The following RNF182 variants were observed in gnomAD, a reference collection of about 807,000 sequenced individuals.
RNF182 encodes ring finger protein 182, also known as E3 ubiquitin-protein ligase RNF182.
A neutral mutation model predicts 14.4 loss-of-function variants in RNF182; 15 were observed. That is an observed-to-expected ratio of 1.04 (90% confidence interval 0.70 to 1.60). The LOEUF is 1.60. Ranked by LOEUF, RNF182 falls within the 40% of genes most tolerant of loss-of-function variation. The probability of loss-of-function intolerance (pLI) is 0.00; values close to 1 mark genes in which losing one functional copy is unlikely to be tolerated. For missense variants in RNF182, 268 were observed against 294.8 expected (o/e 0.91, Z 0.67); for synonymous variants, 128 against 122.9 (o/e 1.04, Z -0.27).
intron 1 of RNF182, among the ~76,000 whole-genome samples, chr6:13,960,690 T>C (rs62385923): frequency 0.48 from 57,401 of 120,366 alleles, 11,006 homozygotes; most frequent in Middle Eastern, 0.58. Flanking sequence ...TGTGTGTGTG[T>C]GTGCGCGCGT....
intron 1 of RNF182, among the ~76,000 whole-genome samples, chr6:13,948,686 A>G (rs979157312): frequency 6.6e-6 from 1 of 152,204 alleles, no homozygotes; most frequent in Non-Finnish European, 1.5e-5. Flanking sequence ...AATGTTTGTT[A>G]AATAGCAAAG....
In RNF182 at chr6:13,967,080, C is replaced by T. The variant is rs192600987; in HGVS notation, c.-366-7130C>T. ...CTCCAACTCTTGGGCTCAAGTGATCCACCTATCTTGGCCTCCCAAAGTGCT... is the reference window on the plus strand; with the variant it reads ...CTCCAACTCTTGGGCTCAAGTGATCTACCTATCTTGGCCTCCCAAAGTGCT... On this transcript the variant is annotated intron_variant, in intron 1 of 2. Coordinates refer to ENST00000488300, the MANE Select transcript of RNF182 (RefSeq NM_152737.4). Among the ~76,000 whole-genome samples, 3 of 152,154 alleles carry T rather than the reference C, an allele frequency of 2.0e-5. No individual in the cohort carries two copies. The East Asian group carries it at 5.8e-4, about 29-fold the overall frequency.
At chr6:13,957,175 C>G (rs781358814) in intron 1 of RNF182, among the ~76,000 whole-genome samples, 5 of 152,204 alleles carry the variant, frequency 3.3e-5, no homozygotes, top group Non-Finnish European at 5.9e-5. Flanking sequence ...TAGCAATCTT[C>G]TTTTTATGTA....
chr6:13,956,956 T>A (rs1191179425), intron 1 of RNF182, among the ~76,000 whole-genome samples: 1 of 151,266 alleles, frequency 6.6e-6, no homozygotes. Flanking sequence ...ACTAATCCCT[T>A]TGTTCTACAT....
chr6:13,934,397 C>T (rs562101151), intron 1 of RNF182, among the ~76,000 whole-genome samples: 4 of 152,318 alleles, frequency 2.6e-5, no homozygotes, highest in South Asian at 2.1e-4. Context: ...TCTTCATTTC[C>T]GTCGCTCACA....
In RNF182 at chr6:13,978,185, A is replaced by G; in HGVS notation, c.*322A>G. 4.3e-6 allele frequency: 1 copy of G among 229,928 alleles called. No homozygotes were observed. The highest frequency in any genetic ancestry group is 9.3e-6 in the Non-Finnish European group (1 of 107,010). 14.2% of individuals were successfully genotyped at this position (229,928 alleles called of 1,614,324 possible). ...TGGTGTGTTATACTATAGGGAGAGC[A>G]TGGATCCCTCCTTTCGTATTCATGG... is the stretch of plus-strand genomic sequence containing the variant. On this transcript the variant is annotated 3_prime_UTR_variant, in exon 3 of 3. Coordinates refer to ENST00000488300, the MANE Select transcript of RNF182 (RefSeq NM_152737.4).
chr6:13,926,933 T>C (rs1306908227), intron 1 of RNF182, among the ~76,000 whole-genome samples: 1 of 152,172 alleles, frequency 6.6e-6, no homozygotes, highest in Non-Finnish European at 1.5e-5. Flanking sequence ...AACATTTATG[T>C]TGTGGCCCTT....
At chr6:13,930,410 T>G (rs768813614) in intron 1 of RNF182, among the ~76,000 whole-genome samples, 7 of 152,214 alleles carry the variant, frequency 4.6e-5, no homozygotes, top group Admixed American at 1.3e-4. Context: ...AAATCTATCT[T>G]GGAAATGTTG....
At chr6:13,956,675 C>G (rs1353715488) in intron 1 of RNF182, among the ~76,000 whole-genome samples, 1 of 152,136 alleles carries the variant, frequency 6.6e-6, no homozygotes, top group Non-Finnish European at 1.5e-5. Flanking sequence ...CTTAATGTAT[C>G]TTGGCTCACT....
At position 13,969,105 on chromosome 6, in the gene RNF182, T is replaced by TTTTTTG. The variant is rs139798081; in HGVS notation, c.-366-5103_-366-5102insTTTGTT. ...GGTCTCATCAGGCTTGTCTCTGTTT[T>TTTTTTG]TTGTTGTTGTTGTTGTTGTTGTTGT... On this transcript the variant is annotated intron_variant, in intron 1 of 2. Coordinates refer to ENST00000488300, the MANE Select transcript of RNF182 (RefSeq NM_152737.4). Among the ~76,000 whole-genome samples the TTTTTTG allele has an allele frequency of 2.1e-3, 316 of 151,170 alleles. 1 individual carries two copies. The highest frequency in any genetic ancestry group is 7.2e-3 in the African/African-American group (297 of 41,262).
chr6:13,962,185 C>T (rs1655241086), intron 1 of RNF182, among the ~76,000 whole-genome samples: 1 of 152,060 alleles, frequency 6.6e-6, no homozygotes, highest in African/African-American at 2.4e-5. Context: ...AACTAGAATC[C>T]AGCTTCTGAA....
chr6:13,929,090 A>G (rs976095685), intron 1 of RNF182, among the ~76,000 whole-genome samples: 4 of 152,186 alleles, frequency 2.6e-5, no homozygotes, highest in Non-Finnish European at 5.9e-5. Flanking sequence ...AATTAACTAA[A>G]ACGTGACTCT....
chr6:13,952,936 G>C (rs1012373449), intron 1 of RNF182, among the ~76,000 whole-genome samples: 2 of 152,154 alleles, frequency 1.3e-5, no homozygotes, highest in Admixed American at 6.5e-5. Flanking sequence ...ACAAAGGACT[G>C]TTAATCTTTG....
At chr6:13,966,831 CGTGT>C (rs1554127193) in intron 1 of RNF182, among the ~76,000 whole-genome samples, 1 of 98,956 alleles carries the variant, frequency 1.0e-5, no homozygotes, top group Non-Finnish European at 2.1e-5. Context: ...TGTGCGCGTG[CGTGT>C]GTGTGTGTGT....
chr6:13,957,872 C>T (rs1759768070), intron 1 of RNF182, among the ~76,000 whole-genome samples: 1 of 152,054 alleles, frequency 6.6e-6, no homozygotes, highest in Non-Finnish European at 1.5e-5. Context: ...AGAAACAATC[C>T]TATGAGAATT....
chr6:13,972,825 G>C (rs1187970487), intron 1 of RNF182, among the ~76,000 whole-genome samples: 1 of 152,180 alleles, frequency 6.6e-6, no homozygotes, highest in African/African-American at 2.4e-5. Context: ...GAGAACTTCT[G>C]CTAGGGCAGT....
intron 1 of RNF182, among the ~76,000 whole-genome samples, chr6:13,934,180 C>T (rs1234395467): frequency 6.6e-6 from 1 of 152,182 alleles, no homozygotes; most frequent in Non-Finnish European, 1.5e-5. Flanking sequence ...AGCCACATTT[C>T]AAGTGCTCAA....
chr6:13,945,547 GACA>G (rs1561779212), intron 1 of RNF182, among the ~76,000 whole-genome samples: 1 of 152,080 alleles, frequency 6.6e-6, no homozygotes, highest in Non-Finnish European at 1.5e-5. Context: ...ACAGCAACAT[GACA>G]ACAACAACAA....
intron 1 of RNF182, among the ~76,000 whole-genome samples, chr6:13,943,639 G>T (rs1759355897): frequency 6.6e-6 from 1 of 152,134 alleles, no homozygotes; most frequent in Admixed American, 6.6e-5. Flanking sequence ...CTTGCTCATT[G>T]TTAGTATCAT....
Sources: allele counts gnomAD v4.1 joint callset (sites outside exome capture counted in the v4.1 genomes callset), GRCh38; gene constraint gnomAD v4.1.1; transcripts MANE v1.5; gene names NCBI Gene and HGNC (gene_info 2026-07-23, HGNC 2026-07-21).